Variants in RMDN2 observed in about 807,000 individuals in gnomAD.
RMDN2 encodes regulator of microtubule dynamics protein 2.
RMDN2 carries 61 observed loss-of-function variants against 52.8 expected under a neutral mutation model. That is an observed-to-expected ratio of 1.16 (90% CI 0.94 to 1.43). The LOEUF is 1.43. Ranked by LOEUF, RMDN2 falls within the 40% of genes most tolerant of loss-of-function variation. The pLI is 0.00. For synonymous variants in RMDN2, 180 were observed against 153.1 expected (o/e 1.18, Z -1.30); for missense variants, 592 against 475.3 (o/e 1.25, Z -2.28).
intron 10 of RMDN2, among the ~76,000 whole-genome samples, chr2:38,006,185 G>A (rs1161345374): frequency 6.6e-6 from 1 of 152,108 alleles, no homozygotes; most frequent in African/African-American, 2.4e-5. Flanking sequence ...TGGCAATGTG[G>A]GCTCTTTTTT....
chr2:37,952,685 A>G (rs1452364983), intron 2 of RMDN2: 1 of 161,926 alleles, frequency 6.2e-6, no homozygotes, highest in African/African-American at 2.4e-5. Context: ...TATATTTCTC[A>G]TGCCTGATGT....
In RMDN2 at chr2:37,994,022, C is replaced by T. The variant is rs542192051; in HGVS notation, c.945+2725C>T. 5.3e-5 allele frequency among the ~76,000 whole-genome samples: 8 copies of T among 152,278 alleles called. 1 individual carries two copies. In the South Asian group the frequency reaches 1.0e-3, roughly 20 times the overall value. ...ACACCATAGAGAAATGGCAAAAGCA[C>T]ATGCTAATCCTCTGTAGAGGAAGGT... On this transcript the variant is annotated intron_variant, in intron 7 of 10. Coordinates refer to ENST00000354545, the MANE Select transcript of RMDN2 (RefSeq NM_001170791.3).
intron 9 of RMDN2, 21 bp from the exon 10 acceptor site, chr2:38,004,115 T>C: frequency 6.2e-7 from 1 of 1,610,404 alleles, no homozygotes; most frequent in Non-Finnish European, 8.5e-7. Context: ...ATGTTTAATA[T>C]TGGTTATTTC....
intron 10 of RMDN2, among the ~76,000 whole-genome samples, chr2:38,047,210 A>C (rs1046302996): frequency 6.6e-6 from 1 of 152,238 alleles, no homozygotes; most frequent in African/African-American, 2.4e-5. Flanking sequence ...AGGAAACGAC[A>C]TCATATGGTA....
intron 1 of RMDN2, among the ~76,000 whole-genome samples, chr2:37,926,015 A>G (rs1401560272): frequency 6.6e-6 from 1 of 152,230 alleles, no homozygotes; most frequent in Non-Finnish European, 1.5e-5. Flanking sequence ...AATAGAATTC[A>G]CTTCGAAAGT....
At chr2:38,040,124 A>C (rs2163453) in intron 10 of RMDN2, among the ~76,000 whole-genome samples, 32,995 of 149,742 alleles carry the variant, frequency 0.22, 4,972 homozygotes, top group East Asian at 0.79. Context: ...CTACTTGTTA[A>C]AAGACTAGTC....
Position 37,966,446 on chromosome 2 carries a change from A to G in RMDN2, c.453-7594A>G, listed in dbSNP as rs116195873. Among the ~76,000 whole-genome samples, 192 of 93,472 alleles carry G rather than the reference A, an allele frequency of 2.1e-3. 1 individual carries two copies. The highest frequency in any genetic ancestry group is 8.0e-3 in the African/African-American group (185 of 23,002). 61.3% of individuals were successfully genotyped at this position (93,472 alleles called of 152,430 possible). On this transcript the variant is annotated intron_variant, in intron 2 of 10. Coordinates refer to ENST00000354545, the MANE Select transcript of RMDN2 (RefSeq NM_001170791.3). ...AAAAAAAAAAAGTTCTTACATTTGT[A>G]TTTCATTGTGTTTCCTAGATTTGGC...
At chr2:38,007,018 C>T (rs150391013) in intron 10 of RMDN2, among the ~76,000 whole-genome samples, 1,716 of 152,150 alleles carry the variant, frequency 0.011, 34 homozygotes, top group African/African-American at 0.039. Context: ...TATTGATCTA[C>T]GTATGTTGAA....
chr2:37,943,564 A>G (rs1341701784), intron 2 of RMDN2, among the ~76,000 whole-genome samples: 1 of 152,180 alleles, frequency 6.6e-6, no homozygotes, highest in Admixed American at 6.5e-5. Flanking sequence ...GTTATGTCTA[A>G]AATAAATTCT....
Position 37,970,336 on chromosome 2 carries a change from C to T in RMDN2, c.453-3704C>T, listed in dbSNP as rs145455910. On this transcript the variant is annotated intron_variant, in intron 2 of 10. Coordinates refer to ENST00000354545, the MANE Select transcript of RMDN2 (RefSeq NM_001170791.3). ...TTGATCAGATAGGTCTCATCTGTTG[C>T]GCCAGAGAAATTGTCTAATGTCAAA... is the stretch of plus-strand genomic sequence containing the variant. Among the ~76,000 whole-genome samples, 408 of 152,202 alleles carry T rather than the reference C, an allele frequency of 2.7e-3. 7 individuals carry two copies. Among genetic ancestry groups the T allele is most frequent in the African/African-American group, 9.4e-3 (392 of 41,528 alleles).
At chr2:38,028,035 C>CATGTT (rs1361014571) in intron 10 of RMDN2, 1 of 152,190 alleles carries the variant, frequency 6.6e-6, no homozygotes, top group Non-Finnish European at 1.5e-5. Context: ...TGTTGAAATG[C>CATGTT]ATGTTATTTC....
intron 10 of RMDN2, among the ~76,000 whole-genome samples, chr2:38,047,255 A>G (rs1416004299): frequency 1.3e-5 from 2 of 152,254 alleles, no homozygotes; most frequent in African/African-American, 4.8e-5. Context: ...ATAATACTTG[A>G]AAAGGTAAAT....
intron 2 of RMDN2, among the ~76,000 whole-genome samples, chr2:37,965,187 T>C (rs1291162203): frequency 6.6e-6 from 1 of 152,174 alleles, no homozygotes; most frequent in Non-Finnish European, 1.5e-5. Flanking sequence ...ATTCTGCCAA[T>C]ATACCTTTTG....
intron 4 of RMDN2, 99 bp from the exon 5 acceptor site, chr2:37,981,184 G>A (rs1673263317): frequency 2.5e-6 from 2 of 792,600 alleles, no homozygotes; most frequent in Non-Finnish European, 4.5e-6. Flanking sequence ...TGATGCTTCT[G>A]GTCTTGGGAC....
At chr2:37,966,416 T>TAA (rs749707294) in intron 2 of RMDN2, among the ~76,000 whole-genome samples, 10 of 139,978 alleles carry the variant, frequency 7.1e-5, no homozygotes, top group Admixed American at 3.6e-4. Flanking sequence ...GGCTCTGTCT[T>TAA]AAAAAAAAAA....
intron 2 of RMDN2, among the ~76,000 whole-genome samples, chr2:37,938,534 A>G (rs1447211824): frequency 1.3e-5 from 2 of 152,006 alleles, no homozygotes; most frequent in Non-Finnish European, 2.9e-5. Context: ...TGAGCTTTTT[A>G]TGGTTGGTAG....
At chr2:37,966,764 C>T (rs1380357899) in intron 2 of RMDN2, among the ~76,000 whole-genome samples, 1 of 152,018 alleles carries the variant, frequency 6.6e-6, no homozygotes, top group East Asian at 1.9e-4. Context: ...TCAAAAAGTT[C>T]ATGGAAAATG....
At chr2:37,925,799 CG>C (rs1558427911) in intron 1 of RMDN2, among the ~76,000 whole-genome samples, 1 of 147,524 alleles carries the variant, frequency 6.8e-6, no homozygotes, top group Non-Finnish European at 1.5e-5. Context: ...GGCTCTCGCT[CG>C]GCTTTCAGCC....
chr2:37,991,282 G>A lies in RMDN2; in HGVS notation c.930G>A (p.Gly310=), dbSNP rs141602911. 22 of 1,564,538 alleles carry A rather than the reference G, an allele frequency of 1.4e-5. No homozygotes were observed. Among genetic ancestry groups the A allele is most frequent in the Admixed American group, 3.5e-5 (2 of 56,540 alleles). ...PEEPFLYYLK[G]RYCYTVSKLS... is the part of the protein sequence containing the mutation. ...AACCCTTTCTATATTACCTCAAAGG[G>A]AGATACTGCTATACTGTAAGTTGAA... Residue 310 remains glycine, a synonymous_variant, in exon 7 of 11, where the codon GGG becomes GGA. Coordinates refer to ENST00000354545, the MANE Select transcript of RMDN2 (RefSeq NM_001170791.3).
Sources: allele counts gnomAD v4.1 joint callset (sites outside exome capture counted in the v4.1 genomes callset), GRCh38; gene constraint gnomAD v4.1.1; transcripts MANE v1.5; gene names NCBI Gene and HGNC (gene_info 2026-07-23, HGNC 2026-07-21).